Variants in UNC13A observed in about 807,000 individuals in gnomAD.
UNC13A encodes unc-13 homolog A.
Under a neutral mutation model 219.7 loss-of-function variants are expected in UNC13A, and 61 were observed. The ratio of observed to expected loss-of-function variants is 0.28; its 90% CI spans 0.23 to 0.34. UNC13A has a LOEUF of 0.34. UNC13A is among the 10% of genes least tolerant of loss of function. The pLI is 1.00. For missense variants in UNC13A, 1,476 were observed against 2,270.3 expected, an observed-to-expected ratio of 0.65 and a Z score of 7.11; for synonymous variants, 920 against 884.6, an observed-to-expected ratio of 1.04 and a Z score of -0.71.
At chr19:17,652,100 G>T (rs10417130) in intron 12 of UNC13A, among the ~76,000 whole-genome samples, 4 of 151,624 alleles carry the variant, frequency 2.6e-5, no homozygotes, top group African/African-American at 9.7e-5. Context: ...TCCTCATAGT[G>T]TCTGCTTTAT....
chr19:17,647,590 T>A, intron 16 of UNC13A, 98 bp from the exon 17 acceptor site: 3 of 1,198,750 alleles, frequency 2.5e-6, no homozygotes, highest in Non-Finnish European at 3.5e-6. Context: ...CCGGGGGGAC[T>A]CAGGTGTCAC....
At chr19:17,644,124 G>A (rs1253508719) in intron 19 of UNC13A, among the ~76,000 whole-genome samples, 1 of 152,120 alleles carries the variant, frequency 6.6e-6, no homozygotes, top group Admixed American at 6.6e-5. Flanking sequence ...TCTTTGATCT[G>A]TAGCAGCCAT....
In UNC13A at chr19:17,627,838, C is replaced by A; in HGVS notation, c.3831+25G>T. The A allele has an allele frequency of 6.3e-7, 1 of 1,580,574 alleles. No individual in the cohort carries two copies. Among genetic ancestry groups the A allele is most frequent in the East Asian group, 2.3e-5 (1 of 43,474 alleles). On this transcript the variant is annotated intron_variant, in intron 32 of 43. Coordinates refer to ENST00000519716, the MANE Select transcript of UNC13A (RefSeq NM_001080421.3). This position sits in a 1 kb window ranked among gnomAD's most constrained non-coding sequence, Gnocchi z 4.7. ...TGGTGGGGGTGCCCCATCCCTTCTC[C>A]AGCCCTGCCTCGGCCCTGCCTCACC... is the stretch of plus-strand genomic sequence containing the variant.
intron 43 of UNC13A, 37 bp downstream of exon 43, chr19:17,609,903 C>G (rs1301657345): frequency 6.2e-7 from 1 of 1,610,376 alleles, no homozygotes; most frequent in Non-Finnish European, 8.5e-7. Context: ...ATGCCCCCTC[C>G]CTTGCCCCCA....
chr19:17,608,675 G>A (rs1187772748), intron 43 of UNC13A, among the ~76,000 whole-genome samples: 2 of 149,148 alleles, frequency 1.3e-5, no homozygotes, highest in East Asian at 2.0e-4. Context: ...CCGCCACCAC[G>A]CCTGGCTAGG....
chr19:17,674,863 C>T lies in UNC13A; in HGVS notation c.53-107G>A. Reference sequence around the variant, plus strand: ...GATCCCCTCAGGAATTTCTGGGCCACTCACCCCCTAACCCACAACCCCACC... The same window carrying T: ...GATCCCCTCAGGAATTTCTGGGCCATTCACCCCCTAACCCACAACCCCACC... On this transcript the variant is annotated intron_variant, in intron 2 of 43. Coordinates refer to ENST00000519716, the MANE Select transcript of UNC13A (RefSeq NM_001080421.3). The surrounding 1 kb of genome is among the most constrained non-coding windows in gnomAD (Gnocchi z 5.0). 1 of 941,146 alleles carries T rather than the reference C, an allele frequency of 1.1e-6. No homozygotes were observed. The highest frequency in any genetic ancestry group is 1.5e-5 in the South Asian group (1 of 68,754). 58.3% of individuals were successfully genotyped at this position (941,146 alleles called of 1,614,324 possible).
chr19:17,629,215 T>C (rs531551903), intron 31 of UNC13A, 25 bp downstream of exon 31: 5 of 1,584,132 alleles, frequency 3.2e-6, no homozygotes, highest in East Asian at 2.3e-5. Flanking sequence ...AGGAGGGAGA[T>C]AGGTCAGGGG....
At chr19:17,683,346 G>T (rs1328674648) in intron 1 of UNC13A, among the ~76,000 whole-genome samples, 1 of 151,860 alleles carries the variant, frequency 6.6e-6, no homozygotes, top group African/African-American at 2.4e-5. Flanking sequence ...CCTATGAAAT[G>T]CTGGGCTGGG....
chr19:17,657,768 C>A (rs771659285), intron 9 of UNC13A, among the ~76,000 whole-genome samples: 5 of 151,338 alleles, frequency 3.3e-5, no homozygotes, highest in South Asian at 2.1e-4. Flanking sequence ...ACTGGGGAGG[C>A]TGAGGCAGGA....
At chr19:17,642,794 C>A in intron 20 of UNC13A, 51 bp downstream of exon 20, 1 of 1,472,246 alleles carries the variant, frequency 6.8e-7, no homozygotes, top group Non-Finnish European at 9.3e-7. Flanking sequence ...GCTGGGCAGG[C>A]AGGAATGGTG....
At chr19:17,673,959 C>T (rs190125394) in intron 3 of UNC13A, among the ~76,000 whole-genome samples, 3 of 152,176 alleles carry the variant, frequency 2.0e-5, no homozygotes, top group East Asian at 1.9e-4. Flanking sequence ...TGAAGTGAGC[C>T]GAGATTATGC....
intron 9 of UNC13A, 114 bp from the exon 10 acceptor site, chr19:17,656,512 C>T: frequency 4.5e-6 from 5 of 1,121,064 alleles, no homozygotes; most frequent in Middle Eastern, 3.0e-4. Flanking sequence ...GTGCCAGGTC[C>T]TGCTCTAGGG....
intron 22 of UNC13A, among the ~76,000 whole-genome samples, chr19:17,640,245 G>A (rs1481135364): frequency 6.6e-6 from 1 of 152,142 alleles, no homozygotes; most frequent in African/African-American, 2.4e-5. Context: ...CACCGTGTTG[G>A]CCAGGCTGGT....
At chr19:17,658,000 C>A in intron 9 of UNC13A, 62 bp downstream of exon 9, 1 of 1,551,548 alleles carries the variant, frequency 6.4e-7, no homozygotes, top group Non-Finnish European at 8.8e-7. Flanking sequence ...GCCCCGTACC[C>A]CTCTCTCCAC....
intron 41 of UNC13A, chr19:17,616,603 G>A (rs1184117440): frequency 3.9e-6 from 2 of 507,596 alleles, no homozygotes; most frequent in East Asian, 7.0e-5. Flanking sequence ...GCGAGTGAGA[G>A]GGAGGAAAAA....
intron 26 of UNC13A, among the ~76,000 whole-genome samples, chr19:17,635,484 A>G: frequency 6.6e-6 from 1 of 152,198 alleles, no homozygotes; most frequent in Non-Finnish European, 1.5e-5. Context: ...CTACAGACAT[A>G]TAAATCCACA....
Position 17,656,045 on chromosome 19 carries a change from C to G in UNC13A, c.1121G>C (p.Arg374Pro). ...TGGGGCAGCTGGCGGGAGGCTGATG[C>G]GTTTGAAGTCTTTGGGCTCAGCCAC... is the stretch of plus-strand genomic sequence containing the variant. The part of the protein sequence containing the change: ...VAVAEPKDFK[R>P]ISLPPAAPGK... The change falls in exon 10 of 44, where the codon CGC becomes CCC. Residue 374 changes from arginine (R) to proline (P), a missense_variant. This residue lies in a region of UNC13A where 351 missense variants were observed against 342.6 expected (regional missense o/e 1.02). Transcript: ENST00000519716. 1 of 1,560,312 alleles carries G rather than the reference C, an allele frequency of 6.4e-7. No homozygotes were observed.
At chr19:17,618,314 T>A (rs2076690457) in intron 40 of UNC13A, 107 bp downstream of exon 40, 4 of 1,234,174 alleles carry the variant, frequency 3.2e-6, no homozygotes, top group Non-Finnish European at 4.6e-6. Context: ...GGAGTGTCCA[T>A]AAATTGAACA....
intron 1 of UNC13A, 104 bp downstream of exon 1, chr19:17,688,074 G>A: frequency 7.1e-7 from 1 of 1,403,866 alleles, no homozygotes; most frequent in Non-Finnish European, 9.5e-7. Flanking sequence ...CAGCCACCTG[G>A]ACTCGGGTCA....
Sources: allele counts gnomAD v4.1 joint callset (sites outside exome capture counted in the v4.1 genomes callset), GRCh38; gene constraint gnomAD v4.1.1; regional missense constraint gnomAD v4.1.1; non-coding constraint Gnocchi (gnomAD v3.1); transcripts MANE v1.5; gene names NCBI Gene and HGNC (gene_info 2026-07-23, HGNC 2026-07-21).